Variants in GDA observed in about 807,000 individuals in gnomAD.
GDA encodes guanine deaminase.
In GDA, 18 loss-of-function variants were observed where a neutral mutation model predicts 59.6. The observed-to-expected ratio is 0.30, with a 90% CI of 0.21 to 0.45. GDA has a LOEUF of 0.45. Ranked by LOEUF, GDA falls within the 20% of genes least tolerant of loss-of-function variation. The pLI is 1.00. For missense variants in GDA, 427 were observed against 552.3 expected (o/e 0.77, Z 2.27); for synonymous variants, 201 against 201.1 (o/e 1.00, Z 0.00).
chr9:72,178,630 C>T (rs927303257), intron 1 of GDA, among the ~76,000 whole-genome samples: 2 of 152,080 alleles, frequency 1.3e-5, no homozygotes, highest in Non-Finnish European at 2.9e-5. Flanking sequence ...GTTGGTCAGG[C>T]TGGTCTCGAA....
chr9:72,174,501 C>T (rs1003771228), intron 1 of GDA, among the ~76,000 whole-genome samples: 5 of 152,130 alleles, frequency 3.3e-5, no homozygotes, highest in Non-Finnish European at 5.9e-5. Flanking sequence ...ATTCACACAG[C>T]TGGAAAGGAT....
chr9:72,162,127 T>C (rs1828708100), intron 1 of GDA, among the ~76,000 whole-genome samples: 2 of 152,180 alleles, frequency 1.3e-5, no homozygotes, highest in Admixed American at 1.3e-4. Flanking sequence ...GTGGGGACAC[T>C]TGTGCCTCCT....
At chr9:72,212,328 A>G (rs1019797616) in intron 4 of GDA, among the ~76,000 whole-genome samples, 1 of 152,044 alleles carries the variant, frequency 6.6e-6, no homozygotes, top group African/African-American at 2.4e-5. Context: ...TAAAAATACA[A>G]AAAATTAACC....
rs898737023 is a variant in GDA, at chr9:72,213,569, C to T, written c.473-317C>T. On this transcript the variant is annotated intron_variant, in intron 4 of 13. Transcript: ENST00000358399. ...CTGTAATCCCAGCACTTTGGGAGGC[C>T]GAGGCGGGCGGATCACAAGGTCAGG... Among the ~76,000 whole-genome samples the T allele has an allele frequency of 3.6e-4, 54 of 151,192 alleles. 1 individual carries two copies. Among genetic ancestry groups the T allele is most frequent in the East Asian group, 3.9e-4 (2 of 5,126 alleles).
upstream of GDA, among the ~76,000 whole-genome samples, chr9:72,146,051 C>T (rs1289265211): frequency 7.1e-6 from 1 of 141,334 alleles, no homozygotes; most frequent in African/African-American, 2.6e-5. Context: ...AGTAATGGAA[C>T]AATTACAGCA....
At chr9:72,137,241 T>TC (rs1826263763) in intron 1 of GDA, among the ~76,000 whole-genome samples, 1 of 111,596 alleles carries the variant, frequency 9.0e-6, no homozygotes, top group African/African-American at 3.1e-5. Context: ...TTTCTTTTTT[T>TC]CTTTTTTTTT....
intron 5 of GDA, 101 bp from the exon 6 acceptor site, chr9:72,219,377 TG>T: frequency 1.2e-6 from 1 of 812,004 alleles, no homozygotes; most frequent in Non-Finnish European, 2.0e-6. Context: ...CACTCCAGCC[TG>T]GGCGACAGAG....
At chr9:72,185,448 C>T (rs550847130) in intron 1 of GDA, among the ~76,000 whole-genome samples, 17 of 152,300 alleles carry the variant, frequency 1.1e-4, no homozygotes, top group Admixed American at 7.2e-4. Flanking sequence ...ACTAGTCCGA[C>T]GGGGTTTTTT....
chr9:72,214,923 G>T (rs746607615), intron 5 of GDA: 1 of 190,278 alleles, frequency 5.3e-6, no homozygotes, highest in East Asian at 1.8e-4. Flanking sequence ...TAGTAGAGAC[G>T]TGGTTTCACC....
chr9:72,166,446 G>A (rs2130900495), intron 1 of GDA, among the ~76,000 whole-genome samples: 1 of 151,522 alleles, frequency 6.6e-6, no homozygotes, highest in South Asian at 2.1e-4. Flanking sequence ...ATGAAGAGAG[G>A]TTAGTCAGTG....
chr9:72,161,116 C>A (rs371090559), intron 1 of GDA, among the ~76,000 whole-genome samples: 32 of 151,868 alleles, frequency 2.1e-4, no homozygotes, highest in African/African-American at 7.2e-4. Context: ...CCATGTTGGC[C>A]AGGCCAGTCT....
At chr9:72,223,683 A>G (rs1480426230) in intron 7 of GDA, among the ~76,000 whole-genome samples, 2 of 152,228 alleles carry the variant, frequency 1.3e-5, no homozygotes, top group African/African-American at 4.8e-5. Flanking sequence ...AGCATTTAAA[A>G]TCCCTTTTGT....
At chr9:72,242,181 TTACCTTC>T (rs1587787767) in intron 11 of GDA, among the ~76,000 whole-genome samples, 1 of 152,214 alleles carries the variant, frequency 6.6e-6, no homozygotes. Flanking sequence ...TGCAGATTTC[TTACCTTC>T]TGCCCTTCCA....
intron 1 of GDA, among the ~76,000 whole-genome samples, chr9:72,116,078 C>A (rs1825427802): frequency 6.6e-6 from 1 of 151,872 alleles, no homozygotes; most frequent in Non-Finnish European, 1.5e-5. Flanking sequence ...ACTAAAAGTA[C>A]AAAAAATTAG....
rs182912793 is a variant in GDA at position 72,157,012 on chromosome 9, A to G, written c.123+7330A>G. On this transcript the variant is annotated intron_variant, in intron 1 of 13. Coordinates refer to ENST00000358399, the MANE Select transcript of GDA (RefSeq NM_004293.5). ...CTACCCCTACCTGGAACTGTCTACT[A>G]TCAGACTTCTAGACTTCCTTTTTTT... Among the ~76,000 whole-genome samples the G allele has an allele frequency of 9.7e-5, 14 of 144,070 alleles. No homozygotes were observed. The East Asian group carries it at 2.0e-3, about 21-fold the overall frequency. 94.5% of individuals were successfully genotyped at this position (144,070 alleles called of 152,430 possible).
intron 3 of GDA, among the ~76,000 whole-genome samples, chr9:72,205,964 C>T (rs541142129): frequency 3.2e-4 from 49 of 152,202 alleles, no homozygotes; most frequent in African/African-American, 1.1e-3. Flanking sequence ...CCCAGCTTTC[C>T]GTTTCAATTT....
rs1826871864 is a variant in GDA at position 72,149,513 on chromosome 9, G to A, written c.-47G>A. On this transcript the variant is annotated 5_prime_UTR_variant, in exon 1 of 14. The change creates a new upstream start codon in the 5' untranslated region. Coordinates refer to ENST00000358399, the MANE Select transcript of GDA (RefSeq NM_004293.5). ...GAGAGTCCCGCTGCGTCTCCGCCGC[G>A]TGCGCCCTCCTCGACCAGCAGACCC... The A allele has an allele frequency of 1.3e-6, 2 of 1,599,818 alleles. No individual in the cohort carries two copies. Among genetic ancestry groups the A allele is most frequent in the African/African-American group, 1.4e-5 (1 of 73,534 alleles).
intron 5 of GDA, among the ~76,000 whole-genome samples, chr9:72,216,490 C>T (rs953622722): frequency 1.3e-5 from 2 of 151,954 alleles, no homozygotes; most frequent in Non-Finnish European, 2.9e-5. Flanking sequence ...ATTATTCAGC[C>T]ATAAAAAGGA....
At chr9:72,238,155 T>C (rs556804852) in intron 10 of GDA, among the ~76,000 whole-genome samples, 2 of 152,290 alleles carry the variant, frequency 1.3e-5, no homozygotes, top group South Asian at 4.1e-4. Context: ...CTCCTCACCC[T>C]GGCTATCTTT....
Sources: allele counts gnomAD v4.1 joint callset (sites outside exome capture counted in the v4.1 genomes callset), GRCh38; gene constraint gnomAD v4.1.1; transcripts MANE v1.5; gene names NCBI Gene and HGNC (gene_info 2026-07-23, HGNC 2026-07-21).